Variants in PTPRG observed in about 807,000 individuals in gnomAD.
The protein encoded by PTPRG is protein tyrosine phosphatase receptor type G.
PTPRG carries 102 observed loss-of-function variants against 165.3 expected under a neutral mutation model. That is an observed-to-expected ratio of 0.62 (90% confidence interval 0.53 to 0.73). The LOEUF (loss-of-function observed/expected upper bound fraction) is 0.73. Ranked by LOEUF, PTPRG falls within the 30% of genes least tolerant of loss-of-function variation. PTPRG has a pLI of 0.00. For missense variants in PTPRG, 1,866 were observed against 1,861.4 expected, an observed-to-expected ratio of 1.00 and a Z score of -0.05; for synonymous variants, 675 against 669.5, an observed-to-expected ratio of 1.01 and a Z score of -0.13.
chr3:61,653,863 A>C (rs1371431146), intron 1 of PTPRG, among the ~76,000 whole-genome samples: 1 of 142,728 alleles, frequency 7.0e-6, no homozygotes, highest in African/African-American at 2.6e-5. Context: ...AATCTACTAG[A>C]AGCAGCATGT....
At chr3:61,734,699 A>C (rs1202743042) in intron 1 of PTPRG, among the ~76,000 whole-genome samples, 3 of 151,530 alleles carry the variant, frequency 2.0e-5, no homozygotes, top group Non-Finnish European at 4.4e-5. Flanking sequence ...CTTCAACGTT[A>C]GTGTATTTAT....
intron 1 of PTPRG, among the ~76,000 whole-genome samples, chr3:61,635,207 A>G (rs898140398): frequency 2.0e-5 from 3 of 152,092 alleles, no homozygotes; most frequent in African/African-American, 7.2e-5. Context: ...AATAAAATCC[A>G]ATAAAATGAG....
intron 7 of PTPRG, among the ~76,000 whole-genome samples, chr3:62,163,070 G>A (rs1364590717): frequency 1.4e-4 from 22 of 152,104 alleles, no homozygotes; most frequent in African/African-American, 3.4e-4. Flanking sequence ...AAGGGGAGGC[G>A]CTACACACTT....
chr3:62,023,870 A>G (rs149228375), intron 4 of PTPRG, among the ~76,000 whole-genome samples: 1 of 152,128 alleles, frequency 6.6e-6, no homozygotes, highest in African/African-American at 2.4e-5. Flanking sequence ...AGAACATGAG[A>G]TGTTGTGCAG....
chr3:61,777,736 T>C (rs2034428983), intron 2 of PTPRG, among the ~76,000 whole-genome samples: 1 of 152,152 alleles, frequency 6.6e-6, no homozygotes, highest in Non-Finnish European at 1.5e-5. Flanking sequence ...AGAACATATT[T>C]TATGGGCCCT....
intron 12 of PTPRG, among the ~76,000 whole-genome samples, chr3:62,208,872 A>T (rs189238845): frequency 8.7e-4 from 133 of 152,318 alleles, no homozygotes; most frequent in African/African-American, 2.9e-3. Flanking sequence ...CTGATCCTAG[A>T]GTACTCCCAT....
chr3:62,158,224 A>G (rs969620353), intron 7 of PTPRG, among the ~76,000 whole-genome samples: 7 of 152,170 alleles, frequency 4.6e-5, no homozygotes, highest in Non-Finnish European at 8.8e-5. Context: ...TGAGGTTTGA[A>G]TGCATGGTTG....
At chr3:62,167,362 A>G (rs896613028) in intron 7 of PTPRG, among the ~76,000 whole-genome samples, 7 of 152,206 alleles carry the variant, frequency 4.6e-5, no homozygotes, top group Non-Finnish European at 8.8e-5. Context: ...GGAAGATGCC[A>G]AGAATTAAAT....
intron 14 of PTPRG, among the ~76,000 whole-genome samples, chr3:62,234,942 C>CA (rs1234214460): frequency 6.6e-6 from 1 of 151,378 alleles, no homozygotes; most frequent in African/African-American, 2.4e-5. Context: ...TACTTCCCCC[C>CA]CCCGAGATGG....
intron 5 of PTPRG, chr3:62,124,652 C>G: frequency 1.3e-6 from 1 of 780,358 alleles, no homozygotes; most frequent in East Asian, 2.5e-5. Flanking sequence ...GCTGGCTGTC[C>G]TGAAGCTCAG....
chr3:61,861,307 A>G (rs530194472), intron 2 of PTPRG, among the ~76,000 whole-genome samples: 46 of 149,990 alleles, frequency 3.1e-4, no homozygotes, highest in African/African-American at 9.6e-4. Flanking sequence ...CTTAGTGGGG[A>G]AAAAAAAAAT....
intron 13 of PTPRG, among the ~76,000 whole-genome samples, chr3:62,227,747 T>C (rs1700793977): frequency 6.6e-6 from 1 of 152,200 alleles, no homozygotes; most frequent in Non-Finnish European, 1.5e-5. Context: ...TTTAAGGGGC[T>C]CATACCTGAG....
intron 21 of PTPRG, 35 bp from the exon 22 acceptor site, chr3:62,272,911 C>T: frequency 6.5e-7 from 1 of 1,536,866 alleles, no homozygotes; most frequent in Non-Finnish European, 8.7e-7. Context: ...TATGATAAAA[C>T]AAAAGTGCCA....
intron 5 of PTPRG, among the ~76,000 whole-genome samples, chr3:62,079,557 G>A (rs1337680998): frequency 3.3e-5 from 5 of 152,324 alleles, no homozygotes; most frequent in Non-Finnish European, 1.5e-5. Context: ...TGTATGCTGG[G>A]TCATGATATA....
At chr3:62,095,849 T>C (rs1333402801) in intron 5 of PTPRG, among the ~76,000 whole-genome samples, 1 of 152,032 alleles carries the variant, frequency 6.6e-6, no homozygotes, top group Non-Finnish European at 1.5e-5. Context: ...GATTCTCAGC[T>C]ACTAGCAATA....
At position 61,642,026 on chromosome 3, in the gene PTPRG, C is replaced by T. The variant is rs889529533; in HGVS notation, c.85+79654C>T. Reference sequence around the variant, plus strand: ...CAGAGAGAAACCTGGTGCCGTTGCCCGCAAGGCCGCTGCAGGGCTCACCTG... The same window carrying T: ...CAGAGAGAAACCTGGTGCCGTTGCCTGCAAGGCCGCTGCAGGGCTCACCTG... On this transcript the variant is annotated intron_variant, in intron 1 of 29. Coordinates refer to ENST00000474889, the MANE Select transcript of PTPRG (RefSeq NM_002841.4). 1.7e-4 allele frequency among the ~76,000 whole-genome samples: 26 copies of T among 152,258 alleles called. No individual in the cohort carries two copies. The East Asian group carries it at 3.1e-3, about 18-fold the overall frequency.
chr3:61,884,583 G>A (rs926686946), intron 2 of PTPRG, among the ~76,000 whole-genome samples: 3 of 152,176 alleles, frequency 2.0e-5, no homozygotes, highest in Non-Finnish European at 2.9e-5. Flanking sequence ...GCTTGTTTTC[G>A]TAGGATGTTG....
intron 2 of PTPRG, among the ~76,000 whole-genome samples, chr3:61,881,910 C>A (rs1338961232): frequency 6.6e-6 from 1 of 152,158 alleles, no homozygotes; most frequent in African/African-American, 2.4e-5. Flanking sequence ...TTTGGTTCCC[C>A]TGACAGTCCT....
chr3:61,808,959 G>C (rs1413424340), intron 2 of PTPRG, among the ~76,000 whole-genome samples: 1 of 149,228 alleles, frequency 6.7e-6, no homozygotes, highest in Non-Finnish European at 1.5e-5. Context: ...GAACCTGTTG[G>C]ATTTAATCTG....
Sources: allele counts gnomAD v4.1 joint callset (sites outside exome capture counted in the v4.1 genomes callset), GRCh38; gene constraint gnomAD v4.1.1; transcripts MANE v1.5; gene names NCBI Gene and HGNC (gene_info 2026-07-23, HGNC 2026-07-21).